BANP: variants seen among roughly 807,000 people sequenced by gnomAD.
BANP encodes the protein protein BANP.
A neutral mutation model predicts 68.1 loss-of-function variants in BANP; 11 were observed. That is an observed-to-expected ratio of 0.16 (90% CI 0.10 to 0.27). BANP has a LOEUF of 0.27. Among genes scored for constraint, BANP ranks in the 10% least tolerant of loss-of-function variants. The pLI, the probability that BANP is intolerant of heterozygous loss-of-function variation, is 1.00. For synonymous variants in BANP, 329 were observed against 303.2 expected, an observed-to-expected ratio of 1.09 and a Z score of -0.88; for missense variants, 504 against 722.7, an observed-to-expected ratio of 0.70 and a Z score of 3.47.
chr16:88,037,815 T>G (rs2079734097), intron 10 of BANP, 158 bp from the exon 11 acceptor site: 1 of 662,546 alleles, frequency 1.5e-6, no homozygotes, highest in East Asian at 2.6e-5. Context: ...ATATTTTGTT[T>G]TGGGGCTTTT....
chr16:87,987,586 G>A (rs899982160), intron 4 of BANP, among the ~76,000 whole-genome samples: 3 of 151,306 alleles, frequency 2.0e-5, no homozygotes, highest in South Asian at 2.1e-4. Context: ...AATTAGCTGG[G>A]CACAGTGGCA....
chr16:88,058,092 T>C (rs1232703561), intron 11 of BANP, among the ~76,000 whole-genome samples: 9 of 151,790 alleles, frequency 5.9e-5, no homozygotes, highest in Non-Finnish European at 1.2e-4. Context: ...GTTAAATTCA[T>C]TGTGTATTTA....
intron 6 of BANP, among the ~76,000 whole-genome samples, chr16:88,014,812 C>T (rs2152632203): frequency 6.6e-6 from 1 of 152,136 alleles, no homozygotes; most frequent in Non-Finnish European, 1.5e-5. Context: ...TCTCCAGGTC[C>T]TAAGTCCAGA....
intron 11 of BANP, among the ~76,000 whole-genome samples, chr16:88,038,687 TC>T (rs1218860153): frequency 6.6e-6 from 1 of 152,146 alleles, no homozygotes; most frequent in East Asian, 1.9e-4. Flanking sequence ...AATGACGTGC[TC>T]CGACGGTGCG....
At chr16:88,074,380 A>T (rs2091141986) in intron 13 of BANP, among the ~76,000 whole-genome samples, 1 of 152,104 alleles carries the variant, frequency 6.6e-6, no homozygotes, top group South Asian at 2.1e-4. Context: ...GGGGGTGGCC[A>T]ATCCTCAAAG....
In BANP at chr16:87,957,190, GTC is replaced by G. The variant is rs1228734405; in HGVS notation, c.-69+5681_-69+5682del. The G allele has an allele frequency of 1.3e-5, 2 of 152,254 alleles. No individual in the cohort carries two copies. The highest frequency in any genetic ancestry group is 2.4e-5 in the African/African-American group (1 of 41,454). 9.4% of individuals were successfully genotyped at this position (152,254 alleles called of 1,614,324 possible). ...ACGACTCGCTGCTCCCATGGGAGGT[GTC>G]TCTCTGGGGAAGGGGTCAGTGGTGG... On this transcript the variant is annotated intron_variant, in intron 1 of 13. Coordinates refer to ENST00000682872, the MANE Select transcript of BANP (RefSeq NM_001386991.1). This position sits in a 1 kb window ranked among gnomAD's most constrained non-coding sequence, Gnocchi z 4.3.
chr16:87,972,511 A>G (rs1211624351), intron 1 of BANP, among the ~76,000 whole-genome samples: 1 of 151,008 alleles, frequency 6.6e-6, no homozygotes, highest in Non-Finnish European at 1.5e-5. Flanking sequence ...TTTGCTTCTT[A>G]TTCTTTTAAG....
intron 6 of BANP, among the ~76,000 whole-genome samples, chr16:88,008,654 A>G (rs1337802116): frequency 6.6e-6 from 1 of 152,224 alleles, no homozygotes; most frequent in African/African-American, 2.4e-5. Context: ...AAGGAAAAAT[A>G]CAAATTTTCT....
intron 4 of BANP, among the ~76,000 whole-genome samples, chr16:87,995,426 A>G (rs1395736154): frequency 2.6e-5 from 4 of 152,264 alleles, no homozygotes; most frequent in African/African-American, 9.6e-5. Context: ...CTTAGGGAAC[A>G]GGTACTGGAG....
intron 12 of BANP, among the ~76,000 whole-genome samples, chr16:88,070,013 G>T (rs1287988277): frequency 6.6e-6 from 1 of 151,842 alleles, no homozygotes; most frequent in African/African-American, 2.4e-5. Context: ...CCAGGATGAC[G>T]ATCCACTTCC....
chr16:87,984,915 C>T (rs529571774), intron 4 of BANP, among the ~76,000 whole-genome samples: 3 of 152,350 alleles, frequency 2.0e-5, no homozygotes, highest in South Asian at 2.1e-4. Context: ...GGACACGGCA[C>T]GGCTTTGTGC....
chr16:88,024,774 A>T (rs1371936299), intron 7 of BANP, among the ~76,000 whole-genome samples: 3 of 152,260 alleles, frequency 2.0e-5, no homozygotes, highest in Non-Finnish European at 2.9e-5. Flanking sequence ...AAGGAATTAG[A>T]TAATTTGATG....
intron 7 of BANP, among the ~76,000 whole-genome samples, chr16:88,023,488 G>A (rs1343493609): frequency 2.1e-5 from 3 of 144,540 alleles, no homozygotes; most frequent in South Asian, 2.2e-4. Context: ...TCTAGGCAGC[G>A]CTGTCACGTC....
intron 12 of BANP, among the ~76,000 whole-genome samples, chr16:88,065,894 C>T (rs1466879226): frequency 6.6e-6 from 1 of 152,132 alleles, no homozygotes; most frequent in African/African-American, 2.4e-5. Flanking sequence ...CAGCTCCCCT[C>T]TGGGAGGGCC....
intron 11 of BANP, among the ~76,000 whole-genome samples, chr16:88,050,229 T>C (rs1004211133): frequency 6.6e-6 from 1 of 152,204 alleles, no homozygotes; most frequent in Admixed American, 6.5e-5. Context: ...TGATCTTGGC[T>C]TACTGCAGCC....
At chr16:88,025,550 C>T (rs538837303) in intron 7 of BANP, among the ~76,000 whole-genome samples, 1 of 152,354 alleles carries the variant, frequency 6.6e-6, no homozygotes, top group Non-Finnish European at 1.5e-5. Flanking sequence ...TCTCATCCTA[C>T]AAATCCCACC....
rs765892010 is a variant in BANP at position 88,072,170 on chromosome 16, C to T, written c.1479C>T (p.Tyr493=). ...PLQGSDIQVQ[Y]VQLAPVSDHT... ...AGGGCAGCGACATCCAGGTTCAGTA[C>T]GTGCAGCTGGCGCCAGTGAGTGACC... is the stretch of plus-strand genomic sequence containing the variant. Residue 493 remains tyrosine, a synonymous_variant, in exon 13 of 14, where the codon TAC becomes TAT. Transcript: ENST00000682872. 34 of 1,611,304 alleles carry T rather than the reference C, an allele frequency of 2.1e-5. No individual in the cohort carries two copies. The highest frequency in any genetic ancestry group is 2.6e-5 in the Non-Finnish European group (31 of 1,179,700).
intron 4 of BANP, among the ~76,000 whole-genome samples, chr16:87,993,683 C>T (rs1490847273): frequency 2.0e-5 from 3 of 152,002 alleles, no homozygotes; most frequent in Non-Finnish European, 2.9e-5. Context: ...CTGTAACCTC[C>T]GCCTCCTGGG....
rs1451025359 is a variant in BANP, at chr16:88,045,744, G to C, written c.1311+7733G>C. On this transcript the variant is annotated intron_variant, in intron 11 of 13. Transcript: ENST00000682872. ...AAATACTCTTCTTGGCCACAGATGA[G>C]GGCCCGGCTGTGGTTGGCAGATCTT... Among the ~76,000 whole-genome samples the C allele has an allele frequency of 2.8e-5, 4 of 143,162 alleles. No homozygotes were observed. The East Asian group carries it at 6.4e-4, about 23-fold the overall frequency. The allele number at this position is 143,162 out of a possible 152,430, so 93.9% of individuals were successfully genotyped here.
Sources: allele counts gnomAD v4.1 joint callset (sites outside exome capture counted in the v4.1 genomes callset), GRCh38; gene constraint gnomAD v4.1.1; non-coding constraint Gnocchi (gnomAD v3.1); transcripts MANE v1.5; gene names NCBI Gene and HGNC (gene_info 2026-07-23, HGNC 2026-07-21).